Variants in TP53INP1 observed in about 807,000 individuals in gnomAD.
TP53INP1 encodes tumor protein p53-inducible nuclear protein 1.
Under a neutral mutation model 21.0 loss-of-function variants are expected in TP53INP1, and 12 were observed. That is an observed-to-expected ratio of 0.57 (90% CI 0.37 to 0.93). The LOEUF (loss-of-function observed/expected upper bound fraction) is 0.93, where lower values mean the gene tolerates loss of function less well. TP53INP1 is among the 40% of genes least tolerant of loss of function. The pLI, the probability that TP53INP1 is intolerant of heterozygous loss-of-function variation, is 0.01. For synonymous variants in TP53INP1, 91 were observed against 94.8 expected (o/e 0.96, Z 0.23); for missense variants, 274 against 294.7 (o/e 0.93, Z 0.51).
In TP53INP1 at chr8:94,943,329, A is replaced by T. The variant is rs1053388193; in HGVS notation, c.-150-2238T>A. 9.9e-5 allele frequency among the ~76,000 whole-genome samples: 15 copies of T among 152,212 alleles called. No homozygotes were observed. The South Asian group carries it at 1.5e-3, about 15-fold the overall frequency. The stretch of plus-strand genomic sequence containing the variant: ...CAAAATAACCTGTTTCTACAAAAAA[A>T]TTTTAAAAAATTAGCCAGGTACAGT... On this transcript the variant is annotated intron_variant, in intron 1 of 3. Transcript: ENST00000342697.
chr8:94,936,076 C>G (rs2956200), intron 3 of TP53INP1, among the ~76,000 whole-genome samples: 3 of 152,200 alleles, frequency 2.0e-5, no homozygotes, highest in Non-Finnish European at 4.4e-5. Flanking sequence ...CTGTGAACAC[C>G]TCTCAGTAAC....
At chr8:94,940,808 C>G in intron 2 of TP53INP1, 22 bp downstream of exon 2, 1 of 1,563,268 alleles carries the variant, frequency 6.4e-7, no homozygotes, top group Non-Finnish European at 8.8e-7. Flanking sequence ...GATGAACCAC[C>G]AAGTAACCAA....
chr8:94,941,130 C>T (rs955041547), intron 1 of TP53INP1, 39 bp from the exon 2 acceptor site: 4 of 578,780 alleles, frequency 6.9e-6, no homozygotes, highest in Non-Finnish European at 9.2e-6. Flanking sequence ...TTCAAATCAG[C>T]ATGCACATAT....
At chr8:94,945,857 G>A (rs759206573) in intron 1 of TP53INP1, among the ~76,000 whole-genome samples, 18 of 152,138 alleles carry the variant, frequency 1.2e-4, no homozygotes, top group Non-Finnish European at 2.1e-4. Context: ...CAGTTTCCCC[G>A]ACAAGAGAAA....
intron 1 of TP53INP1, among the ~76,000 whole-genome samples, chr8:94,948,806 C>T (rs985325953): frequency 1.3e-5 from 2 of 152,036 alleles, no homozygotes; most frequent in Admixed American, 6.5e-5. Flanking sequence ...GGTCCCGCCG[C>T]GGCCAAGAAA....
chr8:94,930,535 C>T lies in TP53INP1; in HGVS notation c.667G>A (p.Val223Ile), dbSNP rs1337648742. 1.2e-6 allele frequency: 2 copies of T among 1,614,232 alleles called. No homozygotes were observed. The highest frequency in any genetic ancestry group is 1.7e-6 in the Non-Finnish European group (2 of 1,180,046). The change falls in exon 4 of 4, where the codon GTC becomes ATC. Residue 223 changes from valine to isoleucine, a missense_variant. Physicochemically the swap from Val to Ile is conservative, Grantham distance 29 (BLOSUM62 3). Coordinates refer to ENST00000342697, the MANE Select transcript of TP53INP1 (RefSeq NM_033285.4). Reference sequence around the variant, plus strand: ...TGAACAACCCAGCCATTGTGCTTGACTTGCCGAGGGTGGCAATCCCTGGTA... The same window carrying T: ...TGAACAACCCAGCCATTGTGCTTGATTTGCCGAGGGTGGCAATCCCTGGTA... Reference protein sequence around the residue: ...NLTRDCHPRQVKHNGWVVHQP... With the variant: ...NLTRDCHPRQIKHNGWVVHQP...
chr8:94,939,861 T>G lies in TP53INP1; in HGVS notation c.472A>C (p.Arg158=). ...GAGAGTTAAATACTTGTAACGTACC[T>G]GGGACTACTTGGGCTATGTAATTCA... The part of the protein sequence containing the change: ...TDELHSPSSP[R]VEAQNEMGQH... The change falls in exon 3 of 4, where the codon AGA becomes CGA. Residue 158 remains arginine, a splice_region_variant and synonymous_variant. Coordinates refer to ENST00000342697, the MANE Select transcript of TP53INP1 (RefSeq NM_033285.4). The G allele has an allele frequency of 6.2e-7, 1 of 1,610,280 alleles. No homozygotes were observed. The highest frequency in any genetic ancestry group is 8.5e-7 in the Non-Finnish European group (1 of 1,177,586).
At chr8:94,932,110 AC>A (rs775856383) in intron 3 of TP53INP1, 7 of 1,609,040 alleles carry the variant, frequency 4.4e-6, no homozygotes, top group Non-Finnish European at 5.9e-6. Context: ...TCCTGGCCCT[AC>A]AAATGTTAAA....
rs1353435032 is a variant in TP53INP1 at position 94,926,824 on chromosome 8, A to C, written c.*3655T>G. Reference sequence around the variant, plus strand: ...CTCAAATTTCAAGTGAAACTGATACATGGCAAGGCTGACACCACTGTATCA... The same window carrying C: ...CTCAAATTTCAAGTGAAACTGATACCTGGCAAGGCTGACACCACTGTATCA... On this transcript the variant is annotated 3_prime_UTR_variant, in exon 4 of 4. Transcript: ENST00000342697. 2 of 152,234 alleles carry C rather than the reference A, an allele frequency of 1.3e-5. No individual in the cohort carries two copies. The highest frequency in any genetic ancestry group is 1.3e-4 in the Admixed American group (2 of 15,288). The allele number at this position is 152,234 out of a possible 1,614,324, so 9.4% of individuals were successfully genotyped here. A position where few individuals can be genotyped will look rare whatever the true frequency, so the allele number is the denominator to read the frequency against.
At chr8:94,935,168 GATA>G (rs1162739829) in intron 3 of TP53INP1, among the ~76,000 whole-genome samples, 38 of 151,416 alleles carry the variant, frequency 2.5e-4, no homozygotes, top group African/African-American at 9.0e-4. Context: ...TAGATAGATA[GATA>G]GATATAATAC....
chr8:94,937,357 C>T (rs1193122896), intron 3 of TP53INP1, among the ~76,000 whole-genome samples: 1 of 151,276 alleles, frequency 6.6e-6, no homozygotes, highest in African/African-American at 2.4e-5. Flanking sequence ...AGGAGAATCA[C>T]TTGAACCCGG....
intron 3 of TP53INP1, among the ~76,000 whole-genome samples, chr8:94,936,688 G>A (rs752937695): frequency 1.5e-4 from 23 of 152,096 alleles, no homozygotes; most frequent in East Asian, 1.9e-4. Flanking sequence ...ACAACCCTAC[G>A]GAAATTTGAG....
rs1821459693 is a variant in TP53INP1, at chr8:94,940,834, G to A, written c.108C>T (p.Phe36=). 6.2e-7 allele frequency: 1 copy of A among 1,610,562 alleles called. No homozygotes were observed. Among genetic ancestry groups the A allele is most frequent in the Non-Finnish European group, 8.5e-7 (1 of 1,177,806 alleles). ...KEDDEWILVD[F]IDTCTGFSAE... is the part of the protein sequence containing the mutation. ...AAGTAACCAAGTGTACCTTACCTATGAAGTCAACAAGAATCCATTCATCAT... is the reference window on the plus strand; with the variant it reads ...AAGTAACCAAGTGTACCTTACCTATAAAGTCAACAAGAATCCATTCATCAT... Residue 36 remains phenylalanine (F), a synonymous_variant, in exon 2 of 4, where the codon TTC becomes TTT. Transcript: ENST00000342697.
rs2131302853 is a variant in TP53INP1 at position 94,928,992 on chromosome 8, ATCAG to A, written c.*1483_*1486del. ...TGTAAATATGTTTACTTCAGAGGAA[ATCAG>A]TCAGAGTGGATGGCTCAGCAAAACC... On this transcript the variant is annotated 3_prime_UTR_variant, in exon 4 of 4. Transcript: ENST00000342697. 6.5e-6 allele frequency: 1 copy of A among 152,768 alleles called. No homozygotes were observed. The highest frequency in any genetic ancestry group is 1.5e-5 in the Non-Finnish European group (1 of 68,028). 9.5% of individuals were successfully genotyped at this position (152,768 alleles called of 1,614,324 possible).
intron 1 of TP53INP1, among the ~76,000 whole-genome samples, chr8:94,943,499 T>C (rs1033024745): frequency 6.6e-6 from 1 of 152,088 alleles, no homozygotes; most frequent in African/African-American, 2.4e-5. Flanking sequence ...AAAAAAGTTA[T>C]ATATATGTAT....
chr8:94,933,572 T>G (rs1415826764), intron 3 of TP53INP1, among the ~76,000 whole-genome samples: 1 of 151,922 alleles, frequency 6.6e-6, no homozygotes, highest in Non-Finnish European at 1.5e-5. Context: ...TGAGACCAGC[T>G]TAATCAACAT....
chr8:94,933,326 G>T (rs1391069434), intron 3 of TP53INP1, among the ~76,000 whole-genome samples: 4 of 151,914 alleles, frequency 2.6e-5, no homozygotes, highest in African/African-American at 9.7e-5. Context: ...AAACAAACAA[G>T]ATATAAAAAC....
chr8:94,942,051 G>C (rs1308362969), intron 1 of TP53INP1, among the ~76,000 whole-genome samples: 1 of 145,224 alleles, frequency 6.9e-6, no homozygotes, highest in Admixed American at 6.9e-5. Flanking sequence ...TTTTTTTTTT[G>C]AGACGGAGTC....
chr8:94,939,833 A>C, intron 3 of TP53INP1, 27 bp downstream of exon 3: 9 of 1,594,928 alleles, frequency 5.6e-6, no homozygotes, highest in Non-Finnish European at 7.7e-6. Flanking sequence ...TGGACTGCCT[A>C]CAGAGAGTTA....
Sources: gnomAD v4.1 joint callset for allele counts (sites outside exome capture counted in the v4.1 genomes callset) on GRCh38, gnomAD v4.1.1 for gene constraint, MANE v1.5 for transcripts, NCBI Gene and HGNC (gene_info 2026-07-23, HGNC 2026-07-21) for gene names.